SPRR4: variants seen among roughly 807,000 people sequenced by gnomAD.
The protein encoded by SPRR4 is small proline-rich protein 4.
For missense variants in SPRR4, 106 were observed against 91.6 expected, an observed-to-expected ratio of 1.16 and a Z score of -0.64; for synonymous variants, 30 against 34.3, an observed-to-expected ratio of 0.87 and a Z score of 0.44.
chr1:152,970,466 G>A (rs1651807668), upstream of SPRR4, among the ~76,000 whole-genome samples: 2 of 152,348 alleles, frequency 1.3e-5, no homozygotes, highest in South Asian at 4.1e-4. Flanking sequence ...GCAGAGACTT[G>A]GAATGCTGAA....
rs764271452 is a variant in SPRR4, at chr1:152,971,899, C to CCAG, written c.20_22dup (p.Gln7dup). 3 of 1,613,578 alleles carry CCAG rather than the reference C, an allele frequency of 1.9e-6. No homozygotes were observed. Among genetic ancestry groups the CCAG allele is most frequent in the African/African-American group, 1.3e-5 (1 of 74,590 alleles). On this transcript the variant is annotated inframe_insertion, in exon 2 of 2. Transcript: ENST00000328051. The stretch of plus-strand genomic sequence containing the variant: ...CACCTGTTCCTAGAGCAATGTCTTC[C>CCAG]CAGCAGCAGCAGCGGCAGCAGCAGC...
In SPRR4 at chr1:152,971,913, G is replaced by A. The variant is rs73010454; in HGVS notation, c.23G>A (p.Arg8Gln). 8.2e-3 allele frequency: 13,248 copies of A among 1,613,708 alleles called. 604 individuals are homozygous for A. In the African/African-American group the frequency reaches 0.14, roughly 17 times the overall value. Residue 8 changes from arginine (R) to glutamine (Q), a missense_variant, in exon 2 of 2, where the codon CGG (arginine) becomes CAG (glutamine). Coordinates refer to ENST00000328051, the MANE Select transcript of SPRR4 (RefSeq NM_173080.3). MSSQQQQ[R>Q]QQQQCPPQRA... ...GCAATGTCTTCCCAGCAGCAGCAGC[G>A]GCAGCAGCAGCAGTGCCCACCCCAG...
upstream of SPRR4, among the ~76,000 whole-genome samples, chr1:152,970,327 C>T (rs375266028): frequency 9.2e-5 from 14 of 152,188 alleles, 1 homozygote; most frequent in East Asian, 9.6e-4. Context: ...TCTCCCTCTT[C>T]CTCTTTTTTC....
chr1:152,971,602 A>ACACC (rs1553217263), intron 1 of SPRR4, among the ~76,000 whole-genome samples: 45 of 151,206 alleles, frequency 3.0e-4, no homozygotes, highest in African/African-American at 1.0e-3. Flanking sequence ...ACACACACAC[A>ACACC]CACACACACA....
rs1313355695 is a variant in SPRR4 at position 152,972,247 on chromosome 1, C to T, written c.*117C>T. 13 of 1,449,568 alleles carry T rather than the reference C, an allele frequency of 9.0e-6. No individual in the cohort carries two copies. The highest frequency in any genetic ancestry group is 1.2e-5 in the Non-Finnish European group (13 of 1,073,056). 89.8% of individuals were successfully genotyped at this position (1,449,568 alleles called of 1,614,324 possible). On this transcript the variant is annotated 3_prime_UTR_variant, in exon 2 of 2. Coordinates refer to ENST00000328051, the MANE Select transcript of SPRR4 (RefSeq NM_173080.3). ...TACCCTCCTCTCACATCTCCTCCTG[C>T]CCAAGATGTAAGGAAGCATTGTAAG...
intron 1 of SPRR4, 73 bp from the exon 2 acceptor site, chr1:152,971,798 T>C (rs1239201945): frequency 2.6e-6 from 4 of 1,541,096 alleles, no homozygotes; most frequent in African/African-American, 1.4e-5. Context: ...TTTTTAACCA[T>C]CTTTTTAAAA....
upstream of SPRR4, among the ~76,000 whole-genome samples, chr1:152,970,021 A>G (rs1270153335): frequency 2.6e-5 from 4 of 152,190 alleles, no homozygotes; most frequent in Admixed American, 6.5e-5. Context: ...AATAGGAAGG[A>G]CACTTGCACT....
Position 152,972,510 on chromosome 1 carries a change from A to C in SPRR4, c.*380A>C, listed in dbSNP as rs1651884153. On this transcript the variant is annotated 3_prime_UTR_variant, in exon 2 of 2. Transcript: ENST00000328051. ...CACAGTTTCTGCCTCATTCCTCTCC[A>C]TGATGCCCCCTGCTCTGGGCTTCTC... is the stretch of plus-strand genomic sequence containing the variant. The C allele has an allele frequency of 8.0e-6, 2 of 250,998 alleles. No homozygotes were observed. The highest frequency in any genetic ancestry group is 1.7e-5 in the Non-Finnish European group (2 of 120,166). The allele number at this position is 250,998 out of a possible 1,614,324, so 15.5% of individuals were successfully genotyped here.
At chr1:152,970,848 C>A (rs1239565442) in intron 1 of SPRR4, among the ~76,000 whole-genome samples, 154 bp downstream of exon 1, 1 of 152,186 alleles carries the variant, frequency 6.6e-6, no homozygotes, top group South Asian at 2.1e-4. Flanking sequence ...GCACACTAAT[C>A]GGTACTTAGA....
In SPRR4 at chr1:152,972,071, A is replaced by T; in HGVS notation, c.181A>T (p.Ile61Phe). ...GCAATGCCCACCGAAAGGCACCATC[A>T]TTCCAGCCCAGCAGAAGTGTCCCTC... is the stretch of plus-strand genomic sequence containing the variant. ...KKQCPPKGTIIPAQQKCPSAQ... is the reference protein window; with the variant it reads ...KKQCPPKGTIFPAQQKCPSAQ... The change falls in exon 2 of 2, where the codon ATT (isoleucine) becomes TTT (phenylalanine). Residue 61 changes from isoleucine to phenylalanine, a missense_variant. Physicochemically the swap from Ile to Phe is conservative, Grantham distance 21. Transcript: ENST00000328051. The T allele has an allele frequency of 1.2e-6, 2 of 1,614,076 alleles. No homozygotes were observed. Among genetic ancestry groups the T allele is most frequent in the Non-Finnish European group, 1.7e-6 (2 of 1,179,998 alleles).
In SPRR4 at chr1:152,972,181, C is replaced by T. The variant is rs753707205; in HGVS notation, c.*51C>T. On this transcript the variant is annotated 3_prime_UTR_variant, in exon 2 of 2. Transcript: ENST00000328051. ...CACCATCCTGGCTACCAGATGGAAC[C>T]TTCTCTTCTTCCTTCTCCTCTTCCC... 5.6e-6 allele frequency: 9 copies of T among 1,608,230 alleles called. No homozygotes were observed. The highest frequency in any genetic ancestry group is 3.4e-5 in the Admixed American group (2 of 59,590).
intron 1 of SPRR4, 67 bp from the exon 2 acceptor site, chr1:152,971,804 T>A: frequency 6.4e-7 from 1 of 1,552,480 alleles, no homozygotes; most frequent in South Asian, 1.2e-5. Flanking sequence ...ACCATCTTTT[T>A]AAAAAGGGTG....
chr1:152,971,609 CA>C, intron 1 of SPRR4, among the ~76,000 whole-genome samples: 2 of 150,642 alleles, frequency 1.3e-5, no homozygotes, highest in East Asian at 3.9e-4. Flanking sequence ...CACACACACA[CA>C]CACTCACACA....
At chr1:152,971,735 C>A in intron 1 of SPRR4, 136 bp from the exon 2 acceptor site, 1 of 1,186,698 alleles carries the variant, frequency 8.4e-7, no homozygotes, top group Non-Finnish European at 1.2e-6. Context: ...TGACATTGTC[C>A]AGATCTGTCA....
chr1:152,969,039 C>G (rs1477274735), upstream of SPRR4, among the ~76,000 whole-genome samples: 2 of 152,104 alleles, frequency 1.3e-5, no homozygotes, highest in Non-Finnish European at 2.9e-5. Context: ...AATCTGGAAC[C>G]CAGAATATTA....
chr1:152,971,578 T>TCTCA (rs946411970), intron 1 of SPRR4, among the ~76,000 whole-genome samples: 46 of 144,242 alleles, frequency 3.2e-4, no homozygotes, highest in African/African-American at 1.1e-3. Context: ...GCCCGATCTC[T>TCTCA]CACACACACA....
At position 152,972,172 on chromosome 1, in the gene SPRR4, A is replaced by G. The variant is rs763241329; in HGVS notation, c.*42A>G. 1 of 1,611,806 alleles carries G rather than the reference A, an allele frequency of 6.2e-7. No homozygotes were observed. Among genetic ancestry groups the G allele is most frequent in the East Asian group, 2.2e-5 (1 of 44,838 alleles). ...ACCATCATCCACCATCCTGGCTACC[A>G]GATGGAACCTTCTCTTCTTCCTTCT... On this transcript the variant is annotated 3_prime_UTR_variant, in exon 2 of 2. Coordinates refer to ENST00000328051, the MANE Select transcript of SPRR4 (RefSeq NM_173080.3).
chr1:152,971,811 G>A (rs1651855670), intron 1 of SPRR4, 60 bp from the exon 2 acceptor site: 1 of 1,556,302 alleles, frequency 6.4e-7, no homozygotes, highest in Non-Finnish European at 8.7e-7. Flanking sequence ...TTTTAAAAAG[G>A]GTGTTAAAAG....
At position 152,972,063 on chromosome 1, in the gene SPRR4, G is replaced by C. The variant is rs144926423; in HGVS notation, c.173G>C (p.Gly58Ala). 1 of 1,614,010 alleles carries C rather than the reference G, an allele frequency of 6.2e-7. No individual in the cohort carries two copies. Among genetic ancestry groups the C allele is most frequent in the Non-Finnish European group, 8.5e-7 (1 of 1,179,996 alleles). The change falls in exon 2 of 2, where the codon GGC becomes GCC. Residue 58 changes from glycine to alanine, a missense_variant. Gly to Ala is a moderately conservative substitution (Grantham distance 60). Coordinates refer to ENST00000328051, the MANE Select transcript of SPRR4 (RefSeq NM_173080.3). ...PQVKKQCPPK[G>A]TIIPAQQKCP... ...GTCAAGAAGCAATGCCCACCGAAAG[G>C]CACCATCATTCCAGCCCAGCAGAAG...
Sources: gnomAD v4.1 joint callset for allele counts (sites outside exome capture counted in the v4.1 genomes callset) on GRCh38, gnomAD v4.1.1 for gene constraint, MANE v1.5 for transcripts, NCBI Gene and HGNC (gene_info 2026-07-23, HGNC 2026-07-21) for gene names.